Variants in KCNIP1 observed in about 807,000 individuals in gnomAD.
The protein encoded by KCNIP1 is potassium voltage-gated channel interacting protein 1, also known as A-type potassium channel modulatory protein KCNIP1.
KCNIP1 carries 18 observed loss-of-function variants against 33.0 expected under a neutral mutation model. The ratio of observed to expected loss-of-function variants is 0.55; its 90% confidence interval spans 0.38 to 0.81. KCNIP1 has a LOEUF of 0.81. Among genes scored for constraint, KCNIP1 ranks in the 30% least tolerant of loss-of-function variants. KCNIP1 has a pLI of 0.00. For missense variants in KCNIP1, 238 were observed against 271.6 expected (o/e 0.88, Z 0.87); for synonymous variants, 93 against 98.3 (o/e 0.95, Z 0.32).
chr5:170,530,967 A>AC (rs1178267909), intron 1 of KCNIP1, among the ~76,000 whole-genome samples: 1 of 152,192 alleles, frequency 6.6e-6, no homozygotes, highest in Non-Finnish European at 1.5e-5. Context: ...GGTGGCCTCC[A>AC]AGCCTAATAC....
intron 1 of KCNIP1, among the ~76,000 whole-genome samples, chr5:170,609,723 G>A (rs987089398): frequency 2.6e-5 from 4 of 152,062 alleles, no homozygotes; most frequent in Non-Finnish European, 5.9e-5. Flanking sequence ...CAAGCATGGT[G>A]GCACACTCCT....
intron 1 of KCNIP1, among the ~76,000 whole-genome samples, chr5:170,368,215 T>A (rs1346690608): frequency 6.6e-6 from 1 of 152,100 alleles, no homozygotes; most frequent in African/African-American, 2.4e-5. Context: ...TTAGTTTAGG[T>A]TTTAGCTTGG....
chr5:170,732,725 G>A lies in KCNIP1; in HGVS notation c.436-75G>A, dbSNP rs145335476. 83 of 922,208 alleles carry A rather than the reference G, an allele frequency of 9.0e-5. No homozygotes were observed. The African/African-American group carries it at 1.1e-3, about 13-fold the overall frequency. 57.1% of individuals were successfully genotyped at this position (922,208 alleles called of 1,614,324 possible). On this transcript the variant is annotated intron_variant, in intron 5 of 7. Coordinates refer to ENST00000328939, the MANE Select transcript of KCNIP1 (RefSeq NM_014592.4). ...CTTTCATTGCCAAGGGGCACAAGGAGCCCCAAACTCTGTCACCTAGGAAGA... is the reference window on the plus strand; with the variant it reads ...CTTTCATTGCCAAGGGGCACAAGGAACCCCAAACTCTGTCACCTAGGAAGA...
At chr5:170,578,553 A>T (rs1757681507) in intron 1 of KCNIP1, among the ~76,000 whole-genome samples, 1 of 152,198 alleles carries the variant, frequency 6.6e-6, no homozygotes, top group Admixed American at 6.5e-5. Context: ...ATCAGGGATG[A>T]GATCCGTGGA....
chr5:170,429,819 T>C (rs1244791700), intron 1 of KCNIP1, among the ~76,000 whole-genome samples: 1 of 152,244 alleles, frequency 6.6e-6, no homozygotes, highest in African/African-American at 2.4e-5. Flanking sequence ...TGCTTATATA[T>C]ATACATACAC....
chr5:170,579,092 C>G (rs145853185), intron 1 of KCNIP1, among the ~76,000 whole-genome samples: 8 of 152,314 alleles, frequency 5.3e-5, no homozygotes, highest in Non-Finnish European at 1.2e-4. Context: ...GTAGCTGAGT[C>G]AGGACTAGAA....
chr5:170,366,908 G>A (rs931541793), intron 1 of KCNIP1, among the ~76,000 whole-genome samples: 6 of 152,152 alleles, frequency 3.9e-5, no homozygotes, highest in Non-Finnish European at 4.4e-5. Context: ...CACCTCTGGG[G>A]GAGACTCCCA....
chr5:170,560,056 G>GTA lies in KCNIP1; in HGVS notation c.61+55423_61+55424insTA, dbSNP rs566831092. On this transcript the variant is annotated intron_variant, in intron 1 of 7. Transcript: ENST00000328939. ...ATTCATAGATGATGTTCAGTATTAT[G>GTA]CTGTGCAATGTAGATGCTTCCTAAA... 1.1e-4 allele frequency among the ~76,000 whole-genome samples: 16 copies of GTA among 152,282 alleles called. No homozygotes were observed. The East Asian group carries it at 3.1e-3, about 29-fold the overall frequency.
At chr5:170,597,054 G>A (rs564015821) in intron 1 of KCNIP1, among the ~76,000 whole-genome samples, 1 of 152,338 alleles carries the variant, frequency 6.6e-6, no homozygotes, top group South Asian at 2.1e-4. Flanking sequence ...AGCTCATGCA[G>A]CTGCTAACAG....
At chr5:170,592,509 G>A (rs976107082) in intron 1 of KCNIP1, among the ~76,000 whole-genome samples, 2 of 136,604 alleles carry the variant, frequency 1.5e-5, no homozygotes, top group Non-Finnish European at 2.9e-5. Context: ...CTACATTATT[G>A]CACCATAACA....
At chr5:170,375,259 T>G (rs1371116398) in intron 1 of KCNIP1, 1 of 152,236 alleles carries the variant, frequency 6.6e-6, no homozygotes, top group Non-Finnish European at 1.5e-5. Flanking sequence ...AATTAAGACT[T>G]TCTTAAAAGA....
At chr5:170,485,690 G>A (rs951397605) in intron 1 of KCNIP1, among the ~76,000 whole-genome samples, 8 of 152,208 alleles carry the variant, frequency 5.3e-5, no homozygotes, top group Non-Finnish European at 1.5e-5. Flanking sequence ...GATCTCAGAG[G>A]AAGGCCAAGG....
At chr5:170,682,564 C>A (rs970647421) in intron 1 of KCNIP1, among the ~76,000 whole-genome samples, 1 of 152,140 alleles carries the variant, frequency 6.6e-6, no homozygotes, top group African/African-American at 2.4e-5. Context: ...CACCTGAAAT[C>A]TGACAATCTG....
chr5:170,597,820 T>TATATATATGAAA (rs1554103530), intron 1 of KCNIP1, among the ~76,000 whole-genome samples: 114 of 56,252 alleles, frequency 2.0e-3, no homozygotes, highest in South Asian at 4.5e-3. Context: ...TATATATATA[T>TATATATATGAAA]ATATATATAT....
chr5:170,487,083 G>T (rs1400625371), intron 1 of KCNIP1, among the ~76,000 whole-genome samples: 1 of 152,148 alleles, frequency 6.6e-6, no homozygotes, highest in African/African-American at 2.4e-5. Context: ...TTCCTTTAAG[G>T]AATTGGCCTA....
At chr5:170,506,754 G>C (rs1419911858) in intron 1 of KCNIP1, among the ~76,000 whole-genome samples, 1 of 152,152 alleles carries the variant, frequency 6.6e-6, no homozygotes, top group Non-Finnish European at 1.5e-5. Context: ...GGGCCAATGG[G>C]TGGACTCCCA....
At position 170,396,940 on chromosome 5, in the gene KCNIP1, T is replaced by C. The variant is rs147231372; in HGVS notation, c.88+42976T>C. 1.3e-3 allele frequency among the ~76,000 whole-genome samples: 204 copies of C among 152,340 alleles called. 1 individual carries two copies. Among genetic ancestry groups the C allele is most frequent in the African/African-American group, 4.8e-3 (198 of 41,578 alleles). On this transcript the variant is annotated intron_variant, in intron 1 of 7. Transcript: ENST00000377360. ...CTTTGCAGGACTATTTCAAAATATGTCAAATAAATATAGTTTGGGGTTAAA... is the reference window on the plus strand; with the variant it reads ...CTTTGCAGGACTATTTCAAAATATGCCAAATAAATATAGTTTGGGGTTAAA...
At chr5:170,525,418 A>G (rs574991229) in intron 1 of KCNIP1, among the ~76,000 whole-genome samples, 3 of 152,352 alleles carry the variant, frequency 2.0e-5, no homozygotes, top group Admixed American at 6.5e-5. Context: ...AGTGCCTGAG[A>G]TTTAGCAAAG....
chr5:170,539,513 T>G (rs1756117824), intron 1 of KCNIP1, among the ~76,000 whole-genome samples: 1 of 152,166 alleles, frequency 6.6e-6, no homozygotes, highest in African/African-American at 2.4e-5. Flanking sequence ...TGCCTGCTCC[T>G]CAGAAAGGCC....
Sources: allele counts gnomAD v4.1 joint callset (sites outside exome capture counted in the v4.1 genomes callset), GRCh38; gene constraint gnomAD v4.1.1; transcripts MANE v1.5; gene names NCBI Gene and HGNC (gene_info 2026-07-23, HGNC 2026-07-21).